The following RABGAP1 variants were observed in gnomAD, a reference collection of about 807,000 sequenced individuals.
The protein encoded by RABGAP1 is RAB GTPase activating protein 1, also known as rab GTPase-activating protein 1.
RABGAP1 carries 23 observed loss-of-function variants against 137.6 expected under a neutral mutation model. That is an observed-to-expected ratio of 0.17 (90% CI 0.12 to 0.24). The LOEUF is 0.24. RABGAP1 is among the 10% of genes least tolerant of loss of function. The probability of loss-of-function intolerance (pLI) is 1.00; values close to 1 mark genes in which losing one functional copy is unlikely to be tolerated. For missense variants in RABGAP1, 906 were observed against 1,275.8 expected (o/e 0.71, Z 4.42); for synonymous variants, 451 against 450.7 (o/e 1.00, Z -0.01).
intron 1 of RABGAP1, among the ~76,000 whole-genome samples, chr9:122,942,669 C>CAAAAAAAAAAAAAAAAAAAAAAAAA (rs10660327): frequency 1.1e-5 from 1 of 90,342 alleles, no homozygotes; most frequent in African/African-American, 4.3e-5. Context: ...GACTCCGTCT[C>CAAAAAAAAAAAAAAAAAAAAAAAAA]AAAAAAAAAA....
At chr9:122,994,804 CAG>C (rs539233825) in intron 6 of RABGAP1, among the ~76,000 whole-genome samples, 123 of 152,182 alleles carry the variant, frequency 8.1e-4, no homozygotes, top group African/African-American at 2.6e-3. Context: ...TGTGGGAGAA[CAG>C]GGGATTATTT....
intron 13 of RABGAP1, among the ~76,000 whole-genome samples, chr9:123,057,304 T>C (rs1401219588): frequency 6.8e-5 from 9 of 132,946 alleles, no homozygotes; most frequent in African/African-American, 2.6e-4. Flanking sequence ...GATGGGGCGG[T>C]TGCCGGGCGG....
At chr9:122,945,000 T>C (rs968137029) in intron 1 of RABGAP1, among the ~76,000 whole-genome samples, 2 of 152,030 alleles carry the variant, frequency 1.3e-5, no homozygotes, top group Admixed American at 1.3e-4. Flanking sequence ...AAAGCAGAAT[T>C]TGGCATGACA....
intron 2 of RABGAP1, among the ~76,000 whole-genome samples, chr9:122,977,569 G>C (rs1223276280): frequency 6.6e-6 from 1 of 152,196 alleles, no homozygotes; most frequent in African/African-American, 2.4e-5. Context: ...AGCTGGGCGT[G>C]ATGGCGCATG....
chr9:122,996,548 T>C lies in RABGAP1; in HGVS notation c.1044T>C (p.Gly348=). The change falls in exon 8 of 26, where the codon GGT becomes GGC. Residue 348 remains glycine (G), a synonymous_variant. Coordinates refer to ENST00000373647, the MANE Select transcript of RABGAP1 (RefSeq NM_012197.4). ...NKELAIERCF[G]LLLSPGKDVR... ...AGTTCTTTTTTTGTAGGTGTTTTGG[T>C]CTTCTCCTTAGTCCAGGAAAAGATG... is the stretch of plus-strand genomic sequence containing the variant. 1 of 1,606,908 alleles carries C rather than the reference T, an allele frequency of 6.2e-7. No homozygotes were observed. The highest frequency in any genetic ancestry group is 8.5e-7 in the Non-Finnish European group (1 of 1,176,842).
In RABGAP1 at chr9:123,103,283, TGA is replaced by T; in HGVS notation, c.*71_*72del. 1 of 1,589,714 alleles carries T rather than the reference TGA, an allele frequency of 6.3e-7. No homozygotes were observed. The highest frequency in any genetic ancestry group is 8.6e-7 in the Non-Finnish European group (1 of 1,168,398). Reference sequence around the variant, plus strand: ...TTGTTGCCTTCTTTGGCCAGATGTGTGATTCTGTGACTTGTCCCAGGACCAGA... The same window carrying T: ...TTGTTGCCTTCTTTGGCCAGATGTGTTTCTGTGACTTGTCCCAGGACCAGA... On this transcript the variant is annotated 3_prime_UTR_variant, in exon 26 of 26. Transcript: ENST00000373647.
At chr9:122,966,408 A>G (rs113150216) in intron 2 of RABGAP1, among the ~76,000 whole-genome samples, 83 of 152,212 alleles carry the variant, frequency 5.5e-4, no homozygotes, top group African/African-American at 1.9e-3. Context: ...CTGTAATCCT[A>G]GGTACTTGGG....
chr9:123,102,662 C>T (rs2035377373), intron 25 of RABGAP1, among the ~76,000 whole-genome samples: 1 of 152,064 alleles, frequency 6.6e-6, no homozygotes, highest in South Asian at 2.1e-4. Flanking sequence ...CCAGGAAGGA[C>T]CCTCAGGAGT....
rs202090815 is a variant in RABGAP1, at chr9:122,945,147, C to CTTTTTTTTTTTT, written c.-50+4059_-50+4070dup. Among the ~76,000 whole-genome samples, 42 of 75,818 alleles carry CTTTTTTTTTTTT rather than the reference C, an allele frequency of 5.5e-4. 11 individuals are homozygous for CTTTTTTTTTTTT. Among genetic ancestry groups the CTTTTTTTTTTTT allele is most frequent in the African/African-American group, 1.4e-3 (34 of 24,730 alleles). The allele number at this position is 75,818 out of a possible 152,430, so 49.7% of individuals were successfully genotyped here. A position where few individuals can be genotyped will look rare whatever the true frequency, so the allele number is the denominator to read the frequency against. Reference sequence around the variant, plus strand: ...CACCATGTATACATCATAGCTGTTGCTTTTTTTTTTTTTTTTAGCATAAAC... The same window carrying CTTTTTTTTTTTT: ...CACCATGTATACATCATAGCTGTTGCTTTTTTTTTTTTTTTTTTTTTTTTTTTTAGCATAAAC... On this transcript the variant is annotated intron_variant, in intron 1 of 25. Transcript: ENST00000373647.
the RABGAP1 span, among the ~76,000 whole-genome samples, chr9:122,931,944 C>T: frequency 2.0e-5 from 3 of 152,200 alleles, no homozygotes; most frequent in African/African-American, 4.8e-5. Flanking sequence ...AAGCTCTCCC[C>T]TCACTTTTGG....
At position 123,103,225 on chromosome 9, in the gene RABGAP1, G is replaced by A. The variant is rs749766384; in HGVS notation, c.*12G>A. The A allele has an allele frequency of 1.4e-5, 22 of 1,612,874 alleles. No individual in the cohort carries two copies. The highest frequency in any genetic ancestry group is 4.4e-5 in the South Asian group (4 of 90,888). On this transcript the variant is annotated 3_prime_UTR_variant, in exon 26 of 26. Transcript: ENST00000373647. The stretch of plus-strand genomic sequence containing the variant: ...AAGAGACTTGCTGAGAGCAGCTGCC[G>A]CCTCCCGACACCTTCAGAAAACACG...
intron 1 of RABGAP1, among the ~76,000 whole-genome samples, chr9:122,952,234 G>T (rs1834289237): frequency 6.6e-6 from 1 of 151,882 alleles, no homozygotes; most frequent in Non-Finnish European, 1.5e-5. Context: ...GGGTGGCTGA[G>T]AATTTTTTTT....
At chr9:123,008,975 CTTAA>C (rs994052215) in intron 10 of RABGAP1, among the ~76,000 whole-genome samples, 5 of 152,136 alleles carry the variant, frequency 3.3e-5, no homozygotes, top group Admixed American at 1.3e-4. Flanking sequence ...AGTCTGAGTC[CTTAA>C]TTAATAGTAA....
intron 13 of RABGAP1, among the ~76,000 whole-genome samples, chr9:123,054,044 GA>G (rs1377802456): frequency 6.6e-6 from 1 of 152,214 alleles, no homozygotes; most frequent in Non-Finnish European, 1.5e-5. Context: ...ACTAATGGAA[GA>G]CTTTTAAAAC....
At chr9:122,965,543 T>A (rs1351710667) in intron 2 of RABGAP1, among the ~76,000 whole-genome samples, 1 of 152,118 alleles carries the variant, frequency 6.6e-6, no homozygotes, top group East Asian at 1.9e-4. Context: ...ACCACCATGC[T>A]TGGCTACTTT....
At chr9:123,019,242 T>C (rs1431403709) in intron 12 of RABGAP1, among the ~76,000 whole-genome samples, 1 of 152,228 alleles carries the variant, frequency 6.6e-6, no homozygotes, top group Non-Finnish European at 1.5e-5. Context: ...AGAAAAGTTA[T>C]TTGAAGGAAA....
intron 19 of RABGAP1, among the ~76,000 whole-genome samples, chr9:123,081,150 A>C (rs150441057): frequency 6.6e-6 from 1 of 152,250 alleles, no homozygotes; most frequent in Non-Finnish European, 1.5e-5. Flanking sequence ...TATTTTCTCT[A>C]GCTTGTTATA....
intron 22 of RABGAP1, among the ~76,000 whole-genome samples, 159 bp from the exon 23 acceptor site, chr9:123,098,556 G>A (rs1302582503): frequency 6.6e-6 from 1 of 152,218 alleles, no homozygotes; most frequent in Non-Finnish European, 1.5e-5. Context: ...AGGAACAGGG[G>A]ATTAGTGCTG....
chr9:123,027,108 C>CTTTTTT (rs71388345), intron 13 of RABGAP1, among the ~76,000 whole-genome samples: 10 of 100,092 alleles, frequency 1.0e-4, no homozygotes, highest in African/African-American at 3.4e-4. Context: ...TCTTTCTTTT[C>CTTTTTT]TTTTTTTTTT....
Sources: gnomAD v4.1 joint callset for allele counts (sites outside exome capture counted in the v4.1 genomes callset) on GRCh38, gnomAD v4.1.1 for gene constraint, MANE v1.5 for transcripts, NCBI Gene and HGNC (gene_info 2026-07-23, HGNC 2026-07-21) for gene names.